CHIT1: variants seen among roughly 807,000 people sequenced by gnomAD.
CHIT1 encodes chitinase 1.
CHIT1 carries 47 observed loss-of-function variants against 52.0 expected under a neutral mutation model. The observed-to-expected ratio is 0.90, with a 90% CI of 0.71 to 1.15. CHIT1 has a LOEUF of 1.15. CHIT1 is among the 50% of genes most tolerant of loss of function. CHIT1 has a pLI of 0.00. For missense variants in CHIT1, 569 were observed against 583.0 expected, an observed-to-expected ratio of 0.98 and a Z score of 0.25; for synonymous variants, 242 against 228.2, an observed-to-expected ratio of 1.06 and a Z score of -0.54.
rs878949155 is a variant in CHIT1 at position 203,219,550 on chromosome 1, C to T, written c.915+114G>A. 3.1e-6 allele frequency: 4 copies of T among 1,299,942 alleles called. No homozygotes were observed. The South Asian group carries it at 4.8e-5, about 15-fold the overall frequency. 80.5% of individuals were successfully genotyped at this position (1,299,942 alleles called of 1,614,324 possible). Reference sequence around the variant, plus strand: ...ATGGATGAGATGGAATTTACATGGCCAGAATTCTCTGCAATTGGCATCCTT... The same window carrying T: ...ATGGATGAGATGGAATTTACATGGCTAGAATTCTCTGCAATTGGCATCCTT... On this transcript the variant is annotated intron_variant, in intron 8 of 10. Coordinates refer to ENST00000367229, the MANE Select transcript of CHIT1 (RefSeq NM_003465.3).
At chr1:203,222,433 G>T (rs977101781) in intron 6 of CHIT1, 108 bp from the exon 7 acceptor site, 11 of 1,543,048 alleles carry the variant, frequency 7.1e-6, no homozygotes, top group African/African-American at 1.4e-5. Context: ...GAACCACTGG[G>T]GTCAGAGGCA....
rs755442376 is a variant in CHIT1 at position 203,223,639 on chromosome 1, C to G, written c.336G>C (p.Thr112=). The change falls in exon 5 of 11, where the codon ACG becomes ACC. Residue 112 remains threonine (T), a synonymous_variant. Coordinates refer to ENST00000367229, the MANE Select transcript of CHIT1 (RefSeq NM_003465.3). ...GTQKFTDMVA[T]ANNRQTFVNS... ...TGACAAAGGTCTGACGGTTGTTGGC[C>G]GTGGCTACCATATCTGTGAACCTGT... 3.1e-6 allele frequency: 5 copies of G among 1,614,122 alleles called. No individual in the cohort carries two copies. Among genetic ancestry groups the G allele is most frequent in the Non-Finnish European group, 4.2e-6 (5 of 1,180,020 alleles).
At chr1:203,223,921 C>T (rs3766541) in intron 4 of CHIT1, among the ~76,000 whole-genome samples, 45,397 of 151,864 alleles carry the variant, frequency 0.3, 6,852 homozygotes, top group Admixed American at 0.36. Context: ...AGGAGCCTTT[C>T]CCAAAATTCC....
rs761344494 is a variant in CHIT1, at chr1:203,219,233, C to T, written c.1012G>A (p.Glu338Lys). The change falls in exon 9 of 11, where the codon GAG (glutamate) becomes AAG (lysine). Residue 338 changes from glutamate to lysine, a missense_variant. Physicochemically the swap from Glu to Lys is moderately conservative, Grantham distance 56. Transcript: ENST00000367229. The stretch of plus-strand genomic sequence containing the variant: ...GGCCTCACCTTGGTTTTGAAGCTCT[C>T]CACATCATCAAAGCCCACCCACTGG... ...DNQWVGFDDVESFKTKVSYLK... is the reference protein window; with the variant it reads ...DNQWVGFDDVKSFKTKVSYLK... 6 of 1,602,396 alleles carry T rather than the reference C, an allele frequency of 3.7e-6. No homozygotes were observed. Among genetic ancestry groups the T allele is most frequent in the Non-Finnish European group, 4.3e-6 (5 of 1,169,202 alleles).
Position 203,223,197 on chromosome 1 carries a change from A to T in CHIT1, c.543T>A (p.Ser181Arg), listed in dbSNP as rs777287951. 6.2e-7 allele frequency: 1 copy of T among 1,614,162 alleles called. No individual in the cohort carries two copies. The highest frequency in any genetic ancestry group is 1.1e-5 in the South Asian group (1 of 91,080). ...AGGTCTGCCCAGCTGGAACCGCTGC[A>T]CTCAGAAGAAGGCGTTCCTTCCCTG... ...QTSGKERLLLSAAVPAGQTYV... is the reference protein window; with the variant it reads ...QTSGKERLLLRAAVPAGQTYV... Residue 181 changes from serine to arginine, a missense_variant, in exon 6 of 11, where the codon AGT becomes AGA. Physicochemically the swap from Ser to Arg is moderately radical, Grantham distance 110. Coordinates refer to ENST00000367229, the MANE Select transcript of CHIT1 (RefSeq NM_003465.3).
upstream of CHIT1, chr1:203,229,862 G>T: frequency 6.4e-6 from 4 of 623,892 alleles, no homozygotes; most frequent in Admixed American, 8.7e-5. Flanking sequence ...AACAATCAGA[G>T]GGTGACTCTT....
chr1:203,225,144 G>C, intron 3 of CHIT1, 40 bp from the exon 4 acceptor site: 1 of 1,597,032 alleles, frequency 6.3e-7, no homozygotes, highest in African/African-American at 1.3e-5. Flanking sequence ...TACTCTGCCA[G>C]CTCCCAGGGC....
intron 2 of CHIT1, among the ~76,000 whole-genome samples, chr1:203,227,754 C>T (rs1370675420): frequency 6.6e-6 from 1 of 152,238 alleles, no homozygotes; most frequent in African/African-American, 2.4e-5. Flanking sequence ...CAGAAGTAGC[C>T]TGGACTAAAG....
chr1:203,223,728 C>T, intron 4 of CHIT1, 68 bp from the exon 5 acceptor site: 1 of 1,541,846 alleles, frequency 6.5e-7, no homozygotes, highest in Non-Finnish European at 9.0e-7. Flanking sequence ...TACTCAGAAG[C>T]AGGCAAGAAA....
upstream of CHIT1, chr1:203,229,924 T>C (rs1657073825): frequency 2.0e-6 from 1 of 488,958 alleles, no homozygotes; most frequent in Non-Finnish European, 3.8e-6. Flanking sequence ...TCCTGATGGA[T>C]GAGCATGACC....
chr1:203,218,508 T>G (rs1325770618), intron 9 of CHIT1, among the ~76,000 whole-genome samples: 1 of 152,168 alleles, frequency 6.6e-6, no homozygotes, highest in East Asian at 1.9e-4. Flanking sequence ...TCCAGCTATG[T>G]GGGCCTACAC....
rs539275442 is a variant in CHIT1 at position 203,225,074 on chromosome 1, G to A, written c.288C>T (p.Ile96=). ...TCTGAGTGCCGAAATTCCAGCCTCC[G>A]ATGGCTAACAGGGTCTTCAGCTTGG... ...MNPKLKTLLA[I]GGWNFGTQKF... is the part of the protein sequence containing the mutation. Residue 96 remains isoleucine, a synonymous_variant, in exon 4 of 11, where the codon ATC becomes ATT. Coordinates refer to ENST00000367229, the MANE Select transcript of CHIT1 (RefSeq NM_003465.3). 423 of 1,613,650 alleles carry A rather than the reference G, an allele frequency of 2.6e-4. No homozygotes were observed. The highest frequency in any genetic ancestry group is 3.3e-4 in the Non-Finnish European group (388 of 1,179,936).
At chr1:203,220,714 A>G (rs1656703401) in intron 7 of CHIT1, among the ~76,000 whole-genome samples, 1 of 152,212 alleles carries the variant, frequency 6.6e-6, no homozygotes, top group Admixed American at 6.5e-5. Flanking sequence ...TTATTTAAAT[A>G]TATTTCTTTT....
intron 4 of CHIT1, among the ~76,000 whole-genome samples, chr1:203,224,066 A>C (rs1656839958): frequency 6.6e-6 from 1 of 152,074 alleles, no homozygotes; most frequent in South Asian, 2.1e-4. Context: ...TTTAAGTAAG[A>C]TTTTTCTCTA....
At chr1:203,223,729 A>G in intron 4 of CHIT1, 69 bp from the exon 5 acceptor site, 1 of 1,528,822 alleles carries the variant, frequency 6.5e-7, no homozygotes. Context: ...ACTCAGAAGC[A>G]GGCAAGAAAA....
intron 6 of CHIT1, among the ~76,000 whole-genome samples, chr1:203,222,571 C>T (rs1207286307): frequency 6.6e-6 from 1 of 152,166 alleles, no homozygotes; most frequent in Non-Finnish European, 1.5e-5. Context: ...CTCAGCACCC[C>T]CAGGCCCTCC....
At chr1:203,229,766 G>GGGT, upstream of CHIT1, 1 of 1,014,078 alleles carries the variant, frequency 9.9e-7, no homozygotes. Context: ...GGGGGGATGG[G>GGGT]AGCAGGGTGG....
chr1:203,220,540 G>A (rs974629333), intron 7 of CHIT1, among the ~76,000 whole-genome samples: 2 of 152,124 alleles, frequency 1.3e-5, no homozygotes, highest in Non-Finnish European at 2.9e-5. Context: ...GGCCTGTGAC[G>A]GGAGAAGGTA....
chr1:203,224,490 A>G (rs369752648), intron 4 of CHIT1, among the ~76,000 whole-genome samples: 5 of 152,324 alleles, frequency 3.3e-5, no homozygotes, highest in African/African-American at 9.6e-5. Flanking sequence ...TTTTAGAAAG[A>G]CTGTTTAGAG....
Sources: gnomAD v4.1 joint callset for allele counts (sites outside exome capture counted in the v4.1 genomes callset) on GRCh38, gnomAD v4.1.1 for gene constraint, MANE v1.5 for transcripts, NCBI Gene and HGNC (gene_info 2026-07-23, HGNC 2026-07-21) for gene names.